Variants in ZC3H7A observed in about 807,000 individuals in gnomAD.
The protein encoded by ZC3H7A is zinc finger CCCH-type containing 7A.
A neutral mutation model predicts 125.5 loss-of-function variants in ZC3H7A; 44 were observed. The observed-to-expected ratio is 0.35, with a 90% CI of 0.28 to 0.45. The LOEUF is 0.45. Among genes scored for constraint, ZC3H7A ranks in the 20% least tolerant of loss-of-function variants. The probability of loss-of-function intolerance (pLI) is 1.00; values close to 1 mark genes in which losing one functional copy is unlikely to be tolerated. For missense variants in ZC3H7A, 977 were observed against 1,170.7 expected, an observed-to-expected ratio of 0.83 and a Z score of 2.41; for synonymous variants, 399 against 391.2, an observed-to-expected ratio of 1.02 and a Z score of -0.23.
intron 2 of ZC3H7A, among the ~76,000 whole-genome samples, chr16:11,781,782 A>C (rs1567390800): frequency 6.6e-6 from 1 of 152,268 alleles, no homozygotes; most frequent in African/African-American, 2.4e-5. Flanking sequence ...AATAGTACAG[A>C]GCCACTAACA....
At position 11,786,119 on chromosome 16, in the gene ZC3H7A, G is replaced by A. The variant is rs891708776; in HGVS notation, c.-34-3731C>T. Among the ~76,000 whole-genome samples the A allele has an allele frequency of 6.6e-5, 10 of 152,286 alleles. No homozygotes were observed. In the South Asian group the frequency reaches 1.7e-3, roughly 25 times the overall value. Reference sequence around the variant, plus strand: ...GGAGCCACGTAAATGAATTACCTCTGTACAAAAATTAAACAAATTTTTAAA... The same window carrying A: ...GGAGCCACGTAAATGAATTACCTCTATACAAAAATTAAACAAATTTTTAAA... On this transcript the variant is annotated intron_variant, in intron 1 of 22. Transcript: ENST00000355758.
intron 1 of ZC3H7A, among the ~76,000 whole-genome samples, chr16:11,791,176 G>C (rs1185283094): frequency 6.6e-6 from 1 of 150,416 alleles, no homozygotes; most frequent in Non-Finnish European, 1.5e-5. Context: ...CAGTTGCTTG[G>C]GACGCTGGAT....
intron 9 of ZC3H7A, among the ~76,000 whole-genome samples, chr16:11,771,219 C>T (rs1163189128): frequency 1.3e-5 from 2 of 152,012 alleles, no homozygotes; most frequent in Non-Finnish European, 1.5e-5. Flanking sequence ...GAAACTCCAT[C>T]TCCACTAAAA....
At chr16:11,776,695 C>T (rs1208567317) in intron 5 of ZC3H7A, 56 bp downstream of exon 5, 5 of 1,546,368 alleles carry the variant, frequency 3.2e-6, no homozygotes, top group Non-Finnish European at 4.3e-6. Context: ...CTTTAAATGC[C>T]ATTTATTATG....
At position 11,757,356 on chromosome 16, in the gene ZC3H7A, C is replaced by T. The variant is rs186623702; in HGVS notation, c.2429-986G>A. ...AAAATTAGCCGGGTGTGGTGGCAGG[C>T]GCCTGTAGTCCCAGCTACTCGGGAA... On this transcript the variant is annotated intron_variant, in intron 20 of 22. Coordinates refer to ENST00000355758, the MANE Select transcript of ZC3H7A (RefSeq NM_014153.4). Among the ~76,000 whole-genome samples the T allele has an allele frequency of 3.2e-3, 484 of 151,772 alleles. 3 individuals are homozygous for T. Among genetic ancestry groups the T allele is most frequent in the African/African-American group, 0.011 (459 of 41,354 alleles).
chr16:11,768,377 C>G lies in ZC3H7A; in HGVS notation c.1298G>C (p.Arg433Thr). ...TTCATGGGTTCCTTCGAGGGGATGT[C>G]TTGGAGTCACTGATGAAGATGGTTT... ...VTKPSSSVTP[R>T]HPLEGTHELR... The change falls in exon 12 of 23, where the codon AGA becomes ACA. Residue 433 changes from arginine to threonine, a missense_variant. Physicochemically the swap from Arg to Thr is moderately conservative, Grantham distance 71 (BLOSUM62 -1). This residue lies in a region of ZC3H7A where 342 missense variants were observed against 311.3 expected (regional missense o/e 1.10). Transcript: ENST00000355758. 6.3e-7 allele frequency: 1 copy of G among 1,598,508 alleles called. No individual in the cohort carries two copies. Among genetic ancestry groups the G allele is most frequent in the Non-Finnish European group, 8.5e-7 (1 of 1,169,928 alleles).
intron 11 of ZC3H7A, among the ~76,000 whole-genome samples, 193 bp from the exon 12 acceptor site, chr16:11,768,694 A>AC (rs993641184): frequency 6.6e-6 from 1 of 151,752 alleles, no homozygotes; most frequent in African/African-American, 2.4e-5. Context: ...GTTTCTAGTC[A>AC]CCCCCCGACT....
intron 21 of ZC3H7A, among the ~76,000 whole-genome samples, chr16:11,754,389 G>T (rs1206308540): frequency 6.7e-6 from 1 of 149,346 alleles, no homozygotes; most frequent in Admixed American, 6.7e-5. Flanking sequence ...GGGAATCAAT[G>T]TGACAAAGGT....
At chr16:11,782,551 T>C (rs1419406027) in intron 1 of ZC3H7A, 163 bp from the exon 2 acceptor site, 11 of 535,768 alleles carry the variant, frequency 2.1e-5, no homozygotes, top group Middle Eastern at 5.5e-4. Flanking sequence ...GGAGTCATCT[T>C]TGTGGCTCCC....
At position 11,768,307 on chromosome 16, in the gene ZC3H7A, G is replaced by C. The variant is rs372695700; in HGVS notation, c.1360+8C>G. The C allele has an allele frequency of 7.9e-6, 12 of 1,522,384 alleles. No homozygotes were observed. In the African/African-American group the frequency reaches 1.5e-4, roughly 19 times the overall value. The allele number at this position is 1,522,384 out of a possible 1,614,324, so 94.3% of individuals were successfully genotyped here. A position where few individuals can be genotyped will look rare whatever the true frequency, so the allele number is the denominator to read the frequency against. On this transcript the variant is annotated splice_region_variant and intron_variant, in intron 12 of 22. Coordinates refer to ENST00000355758, the MANE Select transcript of ZC3H7A (RefSeq NM_014153.4). ...TTAATACTCTCTGCGTGTTTGTTTG[G>C]TCCTGACCTGATTTTACAAAACAGA... is the stretch of plus-strand genomic sequence containing the variant.
At chr16:11,766,704 G>A (rs1202897521) in intron 13 of ZC3H7A, among the ~76,000 whole-genome samples, 4 of 152,156 alleles carry the variant, frequency 2.6e-5, no homozygotes, top group Non-Finnish European at 5.9e-5. Flanking sequence ...GCAACATAGT[G>A]AAACCCTGTC....
chr16:11,751,237 T>G lies in ZC3H7A; in HGVS notation c.*80A>C. ...CCAATACAAGCAGGAAATCTGCAGC[T>G]CCTCTGCTATGTGCCTCAGAACACT... On this transcript the variant is annotated 3_prime_UTR_variant, in exon 23 of 23. Transcript: ENST00000355758. The G allele has an allele frequency of 7.2e-7, 1 of 1,397,330 alleles. No individual in the cohort carries two copies. The highest frequency in any genetic ancestry group is 1.5e-5 in the South Asian group (1 of 68,806). 86.6% of individuals were successfully genotyped at this position (1,397,330 alleles called of 1,614,324 possible).
intron 9 of ZC3H7A, among the ~76,000 whole-genome samples, chr16:11,773,712 C>T (rs2053027327): frequency 6.6e-6 from 1 of 151,628 alleles, no homozygotes; most frequent in East Asian, 1.9e-4. Context: ...GAAACCCCAT[C>T]TTTACTAAAA....
intron 4 of ZC3H7A, 100 bp from the exon 5 acceptor site, chr16:11,777,009 A>T: frequency 1.1e-6 from 1 of 907,778 alleles, no homozygotes; most frequent in South Asian, 2.4e-5. Context: ...CCATCCTATT[A>T]CCCTCCCTCT....
rs749521906 is a variant in ZC3H7A at position 11,774,523 on chromosome 16, T to C, written c.620-4A>G. On this transcript the variant is annotated splice_region_variant and splice_polypyrimidine_tract_variant and intron_variant, in intron 8 of 22. Coordinates refer to ENST00000355758, the MANE Select transcript of ZC3H7A (RefSeq NM_014153.4). ...TCTTGCCTTGGAGTTAATAAATCTG[T>C]AACACAGATGGAAATGTACTCAGTC... The C allele has an allele frequency of 2.6e-6, 4 of 1,518,802 alleles. 1 individual carries two copies. In the South Asian group the frequency reaches 4.1e-5, roughly 16 times the overall value. The allele number at this position is 1,518,802 out of a possible 1,614,324, so 94.1% of individuals were successfully genotyped here.
chr16:11,797,050 CGGCGCGCGCGGGGGGGGCGGGGGCGCG>C (rs1489634216), intron 1 of ZC3H7A, 47 bp downstream of exon 1: 4 of 136,180 alleles, frequency 2.9e-5, no homozygotes, highest in East Asian at 2.7e-4. Flanking sequence ...CACGAGGCGG[CGGCGCGCGCGGGGGGGGCGGGGGCGCG>C]GGCGCGCGCG....
intron 19 of ZC3H7A, among the ~76,000 whole-genome samples, chr16:11,760,140 A>AAAAAAAAAAAAG (rs1567374789): frequency 6.7e-6 from 1 of 149,598 alleles, no homozygotes; most frequent in African/African-American, 2.5e-5. Flanking sequence ...AAAAAAAAAA[A>AAAAAAAAAAAAG]AAAAAGAAAA....
At chr16:11,781,337 C>G in intron 3 of ZC3H7A, 88 bp downstream of exon 3, 1 of 1,329,924 alleles carries the variant, frequency 7.5e-7, no homozygotes, top group Non-Finnish European at 1.1e-6. Context: ...ATTGGGCCCA[C>G]AAGGCCATCA....
At chr16:11,775,981 G>A (rs1219424072) in intron 7 of ZC3H7A, among the ~76,000 whole-genome samples, 1 of 152,072 alleles carries the variant, frequency 6.6e-6, no homozygotes, top group African/African-American at 2.4e-5. Context: ...GCAACATGGT[G>A]AAACCCCATC....
Sources: allele counts gnomAD v4.1 joint callset (sites outside exome capture counted in the v4.1 genomes callset), GRCh38; gene constraint gnomAD v4.1.1; regional missense constraint gnomAD v4.1.1; transcripts MANE v1.5; gene names NCBI Gene and HGNC (gene_info 2026-07-23, HGNC 2026-07-21).